PACS1: variants seen among roughly 807,000 people sequenced by gnomAD.
The protein encoded by PACS1 is phosphofurin acidic cluster sorting protein 1, also known as PACS-1.
Under a neutral mutation model 115.0 loss-of-function variants are expected in PACS1, and 24 were observed. The ratio of observed to expected loss-of-function variants is 0.21; its 90% CI spans 0.15 to 0.29. The LOEUF (loss-of-function observed/expected upper bound fraction) is 0.29, where lower values mean the gene tolerates loss of function less well. PACS1 is among the 10% of genes least tolerant of loss of function. The probability of loss-of-function intolerance (pLI) is 1.00; values close to 1 mark genes in which losing one functional copy is unlikely to be tolerated. For missense variants in PACS1, 838 were observed against 1,251.2 expected (o/e 0.67, Z 4.98); for synonymous variants, 453 against 504.5 (o/e 0.90, Z 1.37).
chr11:66,243,471 A>G lies in PACS1; in HGVS notation c.*191A>G. 1 of 556,032 alleles carries G rather than the reference A, an allele frequency of 1.8e-6. No individual in the cohort carries two copies. Among genetic ancestry groups the G allele is most frequent in the East Asian group, 2.9e-5 (1 of 34,426 alleles). The allele number at this position is 556,032 out of a possible 1,614,324, so 34.4% of individuals were successfully genotyped here. A position where few individuals can be genotyped will look rare whatever the true frequency, so the allele number is the denominator to read the frequency against. Reference sequence around the variant, plus strand: ...CCCCTCCCCTCCAGCCCACCCCTGCACAGCCCCTCCTCCTTCCCGCTTTTC... The same window carrying G: ...CCCCTCCCCTCCAGCCCACCCCTGCGCAGCCCCTCCTCCTTCCCGCTTTTC... On this transcript the variant is annotated 3_prime_UTR_variant, in exon 24 of 24. Transcript: ENST00000320580.
intron 1 of PACS1, among the ~76,000 whole-genome samples, chr11:66,153,714 G>C (rs374152112): frequency 3.9e-5 from 6 of 152,262 alleles, no homozygotes; most frequent in African/African-American, 1.4e-4. Context: ...CCGGGAGACG[G>C]AGCTTGCAGT....
rs375009596 is a variant in PACS1, at chr11:66,117,855, GAAAA to G, written c.356+47020_356+47023del. On this transcript the variant is annotated intron_variant, in intron 1 of 23. Transcript: ENST00000320580. ...AGTGAAATGCCATCTCAAAAAAAAA[GAAAA>G]AAAAAAGATGTTTGTTTCCTCTTTG... 6.8e-5 allele frequency among the ~76,000 whole-genome samples: 10 copies of G among 147,626 alleles called. No individual in the cohort carries two copies. In the East Asian group the frequency reaches 1.8e-3, roughly 26 times the overall value.
chr11:66,174,893 G>A (rs781151261), intron 1 of PACS1, among the ~76,000 whole-genome samples: 3 of 152,344 alleles, frequency 2.0e-5, no homozygotes, highest in Non-Finnish European at 1.5e-5. Context: ...GCTCACACCT[G>A]TAATCCCATC....
chr11:66,233,762 A>G lies in PACS1; in HGVS notation c.1839-23A>G, dbSNP rs765204535. 36 of 1,608,788 alleles carry G rather than the reference A, an allele frequency of 2.2e-5. No homozygotes were observed. Among genetic ancestry groups the G allele is most frequent in the Admixed American group, 3.4e-5 (2 of 59,562 alleles). On this transcript the variant is annotated intron_variant, in intron 15 of 23. Transcript: ENST00000320580. The surrounding 1 kb of genome is among the most constrained non-coding windows in gnomAD (Gnocchi z 4.5). ...GATCCTGGCACCCCTGAGCACTGCT[A>G]TGACGCTCCCCTTCCTCCCCAGCTG...
At chr11:66,203,090 A>G (rs1270063344) in intron 2 of PACS1, among the ~76,000 whole-genome samples, 1 of 152,160 alleles carries the variant, frequency 6.6e-6, no homozygotes, top group Non-Finnish European at 1.5e-5. Context: ...TGCAAATGAT[A>G]TGCTCTTCTA....
intron 1 of PACS1, among the ~76,000 whole-genome samples, chr11:66,174,357 C>CT (rs34841412): frequency 6.6e-6 from 1 of 152,176 alleles, no homozygotes; most frequent in Non-Finnish European, 1.5e-5. Context: ...TTGGAAAATA[C>CT]TTTTGACAGT....
intron 1 of PACS1, among the ~76,000 whole-genome samples, chr11:66,144,642 T>C (rs1859077820): frequency 6.6e-6 from 1 of 152,232 alleles, no homozygotes; most frequent in South Asian, 2.1e-4. Context: ...TCATTATTCT[T>C]TTTTTTCTTT....
At chr11:66,173,049 G>A (rs1401960120) in intron 1 of PACS1, among the ~76,000 whole-genome samples, 1 of 150,182 alleles carries the variant, frequency 6.7e-6, no homozygotes, top group South Asian at 2.1e-4. Flanking sequence ...GAGTATTCTG[G>A]TAGTAAACTC....
intron 1 of PACS1, among the ~76,000 whole-genome samples, chr11:66,179,938 G>A (rs778018811): frequency 6.7e-6 from 1 of 150,244 alleles, no homozygotes; most frequent in Non-Finnish European, 1.5e-5. Context: ...TGCAACCTCC[G>A]CCTGCCAGGT....
chr11:66,203,173 C>A (rs1208814439), intron 2 of PACS1, among the ~76,000 whole-genome samples: 1 of 152,078 alleles, frequency 6.6e-6, no homozygotes. Context: ...GATACAAAAT[C>A]AACATACAGA....
chr11:66,084,819 G>GT (rs887918545), intron 1 of PACS1, among the ~76,000 whole-genome samples: 2 of 151,908 alleles, frequency 1.3e-5, no homozygotes, highest in African/African-American at 4.8e-5. Flanking sequence ...TCTTGAGGGA[G>GT]TTTTTTTTGT....
At chr11:66,223,186 G>A (rs1384063969) in intron 10 of PACS1, among the ~76,000 whole-genome samples, 4 of 151,722 alleles carry the variant, frequency 2.6e-5, no homozygotes, top group South Asian at 4.2e-4. Context: ...TTCACCTCCC[G>A]GGTGCCAGCG....
intron 1 of PACS1, among the ~76,000 whole-genome samples, chr11:66,115,113 G>T (rs1226666522): frequency 1.3e-5 from 2 of 151,632 alleles, no homozygotes; most frequent in Non-Finnish European, 2.9e-5. Context: ...GGAGGCTGCG[G>T]TGGGAGGATT....
At position 66,090,271 on chromosome 11, in the gene PACS1, CTTTTTT is replaced by C. The variant is rs930565654; in HGVS notation, c.356+19443_356+19448del. ...TCTCTTCTTTTCTCTTCTTTCCTTT[CTTTTTT>C]TTTTTTTTTTTTTCAGATAGGGTCT... On this transcript the variant is annotated intron_variant, in intron 1 of 23. Coordinates refer to ENST00000320580, the MANE Select transcript of PACS1 (RefSeq NM_018026.4). Among the ~76,000 whole-genome samples the C allele has an allele frequency of 2.1e-3, 227 of 109,430 alleles. 1 individual carries two copies. The Middle Eastern group carries it at 0.022, about 11-fold the overall frequency. 71.8% of individuals were successfully genotyped at this position (109,430 alleles called of 152,430 possible).
intron 2 of PACS1, among the ~76,000 whole-genome samples, chr11:66,207,004 C>G (rs1854955571): frequency 6.6e-6 from 1 of 152,224 alleles, no homozygotes; most frequent in South Asian, 2.1e-4. Flanking sequence ...CCTTACTAAG[C>G]TGCAGTTGTT....
Position 66,241,536 on chromosome 11 carries a change from A to T in PACS1, c.2539A>T (p.Asn847Tyr). 1.2e-6 allele frequency: 2 copies of T among 1,614,232 alleles called. No homozygotes were observed. Among genetic ancestry groups the T allele is most frequent in the Non-Finnish European group, 1.7e-6 (2 of 1,180,026 alleles). Reference sequence around the variant, plus strand: ...CGACAAGAGGGACGCCAGCTCGAAGAACACCCTCAAGAGTGTCTTCCGCTC... The same window carrying T: ...CGACAAGAGGGACGCCAGCTCGAAGTACACCCTCAAGAGTGTCTTCCGCTC... ...EGDKRDASSK[N>Y]TLKSVFRSVQ... Residue 847 changes from asparagine (N) to tyrosine (Y), a missense_variant, in exon 22 of 24, where the codon AAC becomes TAC. This residue lies in a region of PACS1 where 84 missense variants were observed against 187.1 expected (regional missense o/e 0.45). Coordinates refer to ENST00000320580, the MANE Select transcript of PACS1 (RefSeq NM_018026.4).
At chr11:66,100,881 T>C (rs568065922) in intron 1 of PACS1, 1 of 456,228 alleles carries the variant, frequency 2.2e-6, no homozygotes, top group South Asian at 1.5e-5. Context: ...CACGGTACGG[T>C]GGCTGGGTTC....
At chr11:66,188,879 A>G (rs897018382) in intron 1 of PACS1, among the ~76,000 whole-genome samples, 2 of 152,204 alleles carry the variant, frequency 1.3e-5, no homozygotes, top group African/African-American at 4.8e-5. Flanking sequence ...GTATATGTTA[A>G]AAAGTTCATT....
intron 1 of PACS1, among the ~76,000 whole-genome samples, chr11:66,082,715 G>A (rs1342575030): frequency 6.6e-6 from 1 of 152,094 alleles, no homozygotes; most frequent in Admixed American, 6.5e-5. Context: ...AATTAGCCGG[G>A]CGTGTGGCGG....
Sources: allele counts gnomAD v4.1 joint callset (sites outside exome capture counted in the v4.1 genomes callset), GRCh38; gene constraint gnomAD v4.1.1; regional missense constraint gnomAD v4.1.1; non-coding constraint Gnocchi (gnomAD v3.1); transcripts MANE v1.5; gene names NCBI Gene and HGNC (gene_info 2026-07-23, HGNC 2026-07-21).